The following LPP variants were observed in gnomAD, a reference collection of about 807,000 sequenced individuals.
The protein encoded by LPP is lipoma-preferred partner.
Under a neutral mutation model 60.4 loss-of-function variants are expected in LPP, and 38 were observed. The observed-to-expected ratio is 0.63, with a 90% CI of 0.49 to 0.83. The LOEUF (loss-of-function observed/expected upper bound fraction) is 0.83. Ranked by LOEUF, LPP falls within the 40% of genes least tolerant of loss-of-function variation. The pLI is 0.00. For missense variants in LPP, 902 were observed against 783.6 expected, an observed-to-expected ratio of 1.15 and a Z score of -1.80; for synonymous variants, 328 against 290.8, an observed-to-expected ratio of 1.13 and a Z score of -1.30.
chr3:188,792,606 GT>G (rs998056064), intron 9 of LPP, among the ~76,000 whole-genome samples: 1 of 151,742 alleles, frequency 6.6e-6, no homozygotes, highest in Non-Finnish European at 1.5e-5. Flanking sequence ...CAGTTTTTTT[GT>G]TTTTTTGGTT....
intron 1 of LPP, among the ~76,000 whole-genome samples, chr3:188,186,221 T>C (rs1268216936): frequency 1.3e-5 from 2 of 152,228 alleles, no homozygotes; most frequent in Non-Finnish European, 2.9e-5. Flanking sequence ...GCCACAGTGC[T>C]GCACAGCCTG....
At chr3:188,265,646 C>T (rs1179078538) in intron 2 of LPP, among the ~76,000 whole-genome samples, 1 of 151,896 alleles carries the variant, frequency 6.6e-6, no homozygotes, top group Non-Finnish European at 1.5e-5. Context: ...AGGACTTTAA[C>T]AAATAAGAAA....
chr3:188,415,825 C>G (rs751987726), intron 4 of LPP, among the ~76,000 whole-genome samples: 12 of 152,006 alleles, frequency 7.9e-5, no homozygotes, highest in Non-Finnish European at 1.5e-5. Context: ...CAGCAAGAGT[C>G]TTTGTATGGG....
At chr3:188,209,394 A>G (rs1337935393) in intron 1 of LPP, among the ~76,000 whole-genome samples, 1 of 152,240 alleles carries the variant, frequency 6.6e-6, no homozygotes, top group Admixed American at 6.5e-5. Context: ...CAGTGCCATC[A>G]GAACTGTGAA....
At chr3:188,755,935 C>G (rs1465430702) in intron 8 of LPP, among the ~76,000 whole-genome samples, 2 of 148,702 alleles carry the variant, frequency 1.3e-5, no homozygotes, top group Admixed American at 1.3e-4. Flanking sequence ...CCTGGAATGC[C>G]ACTATTCACC....
At chr3:188,216,609 C>T (rs936688346) in intron 1 of LPP, among the ~76,000 whole-genome samples, 6 of 152,150 alleles carry the variant, frequency 3.9e-5, no homozygotes, top group African/African-American at 1.4e-4. Context: ...CTGGGCAATG[C>T]CCTGCCCCTT....
At chr3:188,489,771 A>T (rs915424458) in intron 5 of LPP, among the ~76,000 whole-genome samples, 1 of 152,142 alleles carries the variant, frequency 6.6e-6, no homozygotes, top group Non-Finnish European at 1.5e-5. Flanking sequence ...ATGGCTTTGA[A>T]TTCAGGGGCT....
intron 4 of LPP, among the ~76,000 whole-genome samples, chr3:188,425,724 C>G (rs146200856): frequency 0.033 from 4,998 of 152,076 alleles, 287 homozygotes; most frequent in African/African-American, 0.11. Context: ...AGATTTTCTA[C>G]TTTATTTGCA....
At chr3:188,338,565 T>A (rs1461039954) in intron 2 of LPP, among the ~76,000 whole-genome samples, 1 of 152,210 alleles carries the variant, frequency 6.6e-6, no homozygotes, top group East Asian at 1.9e-4. Context: ...TTATGCAACT[T>A]CTAATCAAAA....
intron 2 of LPP, among the ~76,000 whole-genome samples, chr3:188,286,586 A>G (rs11720031): frequency 0.71 from 107,669 of 152,070 alleles, 39,401 homozygotes; most frequent in African/African-American, 0.89. Context: ...AAATAATAAT[A>G]CAATATTCAG....
intron 2 of LPP, among the ~76,000 whole-genome samples, chr3:188,267,967 C>G (rs1736186728): frequency 6.6e-6 from 1 of 151,360 alleles, no homozygotes; most frequent in African/African-American, 2.4e-5. Flanking sequence ...TAGCCTCTGC[C>G]TTAGGAACAC....
rs139775841 is a variant in LPP at position 188,254,527 on chromosome 3, G to A, written c.-67+29000G>A. On this transcript the variant is annotated intron_variant, in intron 2 of 11. Coordinates refer to ENST00000617246, the MANE Select transcript of LPP (RefSeq NM_001375462.1). ...TACACATCTGGGAGCAAGAGCTTTT[G>A]GTTAATTGGCTTGCCTATGTTTTTG... 1.1e-3 allele frequency among the ~76,000 whole-genome samples: 173 copies of A among 152,282 alleles called. 4 individuals carry two copies. Among genetic ancestry groups the A allele is most frequent in the Admixed American group, 7.5e-3 (114 of 15,290 alleles).
chr3:188,383,131 T>A (rs1777334015), intron 3 of LPP, among the ~76,000 whole-genome samples: 1 of 152,252 alleles, frequency 6.6e-6, no homozygotes, highest in Non-Finnish European at 1.5e-5. Context: ...TTATTATTTT[T>A]AAAGTTTTTT....
Position 188,386,703 on chromosome 3 carries a change from C to T in LPP, c.-9-19409C>T, listed in dbSNP as rs201191108. Among the ~76,000 whole-genome samples, 13 of 152,226 alleles carry T rather than the reference C, an allele frequency of 8.5e-5. No homozygotes were observed. In the East Asian group the frequency reaches 2.5e-3, roughly 29 times the overall value. On this transcript the variant is annotated intron_variant, in intron 3 of 11. Coordinates refer to ENST00000617246, the MANE Select transcript of LPP (RefSeq NM_001375462.1). ...AGTTTTCCCCTTCTATTAAATGAACCTTTAACTGAGCTCTGAAATTGTGAG... is the reference window on the plus strand; with the variant it reads ...AGTTTTCCCCTTCTATTAAATGAACTTTTAACTGAGCTCTGAAATTGTGAG...
At position 188,480,796 on chromosome 3, in the gene LPP, A is replaced by G. The variant is rs182620559; in HGVS notation, c.194-3796A>G. 4.6e-5 allele frequency among the ~76,000 whole-genome samples: 7 copies of G among 152,246 alleles called. No individual in the cohort carries two copies. The East Asian group carries it at 1.4e-3, about 29-fold the overall frequency. ...CAGAGAGGACAGGGCATGCACTAAT[A>G]TGAAGGTCTACAGCTTAGCTGTGCT... On this transcript the variant is annotated intron_variant, in intron 4 of 11. Transcript: ENST00000617246.
chr3:188,870,011 T>G (rs990085064), intron 10 of LPP, among the ~76,000 whole-genome samples: 1 of 152,196 alleles, frequency 6.6e-6, no homozygotes, highest in South Asian at 2.1e-4. Flanking sequence ...GGAAGAAAAC[T>G]TCTCTGATCT....
chr3:188,553,479 C>T (rs1389442039), intron 6 of LPP, among the ~76,000 whole-genome samples: 1 of 152,120 alleles, frequency 6.6e-6, no homozygotes. Context: ...TGGCATTACC[C>T]ATGTGAGGAG....
chr3:188,284,638 C>T (rs527517523), intron 2 of LPP, among the ~76,000 whole-genome samples: 15 of 152,194 alleles, frequency 9.9e-5, no homozygotes, highest in Admixed American at 4.6e-4. Flanking sequence ...TACCCACATA[C>T]GTGCATGTGT....
At chr3:188,675,073 T>G (rs564476134) in intron 7 of LPP, among the ~76,000 whole-genome samples, 307 of 3,778 alleles carry the variant, frequency 0.081, 3 homozygotes, top group South Asian at 0.43. Flanking sequence ...TTGAAGAAAT[T>G]TCTCCCACAG....
Sources: gnomAD v4.1 joint callset for allele counts (sites outside exome capture counted in the v4.1 genomes callset) on GRCh38, gnomAD v4.1.1 for gene constraint, MANE v1.5 for transcripts, NCBI Gene and HGNC (gene_info 2026-07-23, HGNC 2026-07-21) for gene names.